CLTCL1: variants seen among roughly 807,000 people sequenced by gnomAD.
The protein encoded by CLTCL1 is clathrin heavy chain 2.
CLTCL1 carries 159 observed loss-of-function variants against 190.0 expected under a neutral mutation model. The ratio of observed to expected loss-of-function variants is 0.84; its 90% CI spans 0.74 to 0.95. The LOEUF (loss-of-function observed/expected upper bound fraction) is 0.95. CLTCL1 is among the 40% of genes least tolerant of loss of function. CLTCL1 has a pLI of 0.00. For missense variants in CLTCL1, 1,878 were observed against 2,033.4 expected, an observed-to-expected ratio of 0.92 and a Z score of 1.47; for synonymous variants, 752 against 769.6, an observed-to-expected ratio of 0.98 and a Z score of 0.38.
Position 19,232,774 on chromosome 22 carries a change from T to C in CLTCL1, c.1522-176A>G. 3 of 864,704 alleles carry C rather than the reference T, an allele frequency of 3.5e-6. No homozygotes were observed. The South Asian group carries it at 5.6e-5, about 16-fold the overall frequency. The allele number at this position is 864,704 out of a possible 1,614,324, so 53.6% of individuals were successfully genotyped here. On this transcript the variant is annotated intron_variant, in intron 9 of 32. Coordinates refer to ENST00000427926, the MANE Select transcript of CLTCL1 (RefSeq NM_007098.4). ...TATCCAATTAAATGAATTGATTTAA[T>C]GTACATGGAAGGCACAATTAACTAT...
At chr22:19,276,436 C>T (rs924571580) in intron 1 of CLTCL1, among the ~76,000 whole-genome samples, 2 of 152,194 alleles carry the variant, frequency 1.3e-5, no homozygotes, top group Non-Finnish European at 1.5e-5. Context: ...CTTCCAGGGC[C>T]GATGGACTGC....
At chr22:19,224,075 A>G (rs2085662591) in intron 13 of CLTCL1, 21 bp from the exon 14 acceptor site, 1 of 1,613,022 alleles carries the variant, frequency 6.2e-7, no homozygotes, top group African/African-American at 1.3e-5. Context: ...AGACCATTCC[A>G]TTTTTGTCCT....
chr22:19,197,626 C>T (rs1376828600), intron 24 of CLTCL1, among the ~76,000 whole-genome samples: 3 of 152,198 alleles, frequency 2.0e-5, no homozygotes, highest in African/African-American at 7.2e-5. Context: ...TCACAACAAC[C>T]ATTCCCATTC....
intron 22 of CLTCL1, among the ~76,000 whole-genome samples, chr22:19,204,281 C>T (rs1417109715): frequency 6.6e-6 from 1 of 152,200 alleles, no homozygotes; most frequent in East Asian, 1.9e-4. Context: ...CCCCAAGCCT[C>T]TCTCGCTGGA....
At chr22:19,268,288 G>A (rs547888207) in intron 2 of CLTCL1, among the ~76,000 whole-genome samples, 1 of 152,164 alleles carries the variant, frequency 6.6e-6, no homozygotes, top group Admixed American at 6.6e-5. Context: ...CTTAATCTTG[G>A]ACTTCCCAGC....
intron 26 of CLTCL1, among the ~76,000 whole-genome samples, chr22:19,191,854 A>T (rs1369822430): frequency 6.6e-6 from 1 of 152,166 alleles, no homozygotes; most frequent in Non-Finnish European, 1.5e-5. Context: ...AGTGGACAGC[A>T]TGTCCTGTGA....
At chr22:19,282,243 T>G (rs2087741835) in intron 1 of CLTCL1, among the ~76,000 whole-genome samples, 1 of 149,212 alleles carries the variant, frequency 6.7e-6, no homozygotes, top group Non-Finnish European at 1.5e-5. Flanking sequence ...GCAGGAGAAT[T>G]GCTTCAACCC....
In CLTCL1 at chr22:19,221,450, T is replaced by C. The variant is rs782423916; in HGVS notation, c.2723A>G (p.Tyr908Cys). The C allele has an allele frequency of 4.4e-6, 7 of 1,577,562 alleles. No individual in the cohort carries two copies. The highest frequency in any genetic ancestry group is 5.2e-6 in the Non-Finnish European group (6 of 1,161,238). The change falls in exon 17 of 33, where the codon TAC (tyrosine) becomes TGC (cysteine). Residue 908 changes from tyrosine to cysteine, a missense_variant. Tyr to Cys is a radical substitution (Grantham distance 194). Coordinates refer to ENST00000427926, the MANE Select transcript of CLTCL1 (RefSeq NM_007098.4). ...CAGATGGGGGTCTCGCTTCTCACAG[T>C]AGCGGCCCACCACGCTGCTGTCATA... The part of the protein sequence containing the change: ...AYYDSSVVGR[Y>C]CEKRDPHLAC...
At chr22:19,268,896 C>T (rs1351899992) in intron 2 of CLTCL1, among the ~76,000 whole-genome samples, 1 of 151,832 alleles carries the variant, frequency 6.6e-6, no homozygotes, top group East Asian at 1.9e-4. Flanking sequence ...TCAAGACCAT[C>T]CTGGCCAACA....
chr22:19,280,600 C>A (rs1428954891), intron 1 of CLTCL1, among the ~76,000 whole-genome samples: 1 of 151,812 alleles, frequency 6.6e-6, no homozygotes, highest in African/African-American at 2.4e-5. Context: ...GGGTGGGTCG[C>A]TTGAGGTCAG....
chr22:19,226,765 T>A (rs1323661948), intron 11 of CLTCL1, among the ~76,000 whole-genome samples: 1 of 151,596 alleles, frequency 6.6e-6, no homozygotes, highest in East Asian at 1.9e-4. Context: ...TGAGACAGAG[T>A]CTCACTCCAT....
intron 1 of CLTCL1, among the ~76,000 whole-genome samples, chr22:19,278,974 T>TGTG (rs2087610886): frequency 6.6e-6 from 1 of 152,144 alleles, no homozygotes. Flanking sequence ...ACTCCTGACT[T>TGTG]GTGGTGATCC....
At chr22:19,256,267 C>T (rs1315722125) in intron 2 of CLTCL1, among the ~76,000 whole-genome samples, 1 of 152,052 alleles carries the variant, frequency 6.6e-6, no homozygotes, top group Admixed American at 6.6e-5. Flanking sequence ...AAGTGATCCT[C>T]CTGCCTCAGC....
chr22:19,290,918 A>C (rs560358775), intron 1 of CLTCL1, among the ~76,000 whole-genome samples: 1 of 152,092 alleles, frequency 6.6e-6, no homozygotes, highest in Non-Finnish European at 1.5e-5. Flanking sequence ...CCTCTGCCGC[A>C]CCTCCCAGGG....
chr22:19,189,970 A>T (rs1330348105), intron 27 of CLTCL1, among the ~76,000 whole-genome samples: 3 of 151,898 alleles, frequency 2.0e-5, no homozygotes, highest in Non-Finnish European at 4.4e-5. Flanking sequence ...TTTTTTTGAG[A>T]TGGAGTCTCT....
intron 22 of CLTCL1, chr22:19,207,418 C>T (rs935613386): frequency 7.6e-6 from 3 of 396,408 alleles, no homozygotes; most frequent in Non-Finnish European, 1.3e-5. Flanking sequence ...TAAGTCTTCA[C>T]ATCTCTTCTA....
intron 28 of CLTCL1, 60 bp downstream of exon 28, chr22:19,187,921 T>C: frequency 2.6e-6 from 4 of 1,518,594 alleles, no homozygotes; most frequent in Non-Finnish European, 3.7e-6. Flanking sequence ...GAGAACAGAA[T>C]GGCAGTTGCA....
intron 1 of CLTCL1, among the ~76,000 whole-genome samples, chr22:19,286,176 A>G (rs2087899456): frequency 6.6e-6 from 1 of 152,172 alleles, no homozygotes; most frequent in South Asian, 2.1e-4. Context: ...GAACATTTAA[A>G]TGTTCTATGG....
At chr22:19,212,655 G>GAAAGAAAGA (rs1337151669) in intron 19 of CLTCL1, among the ~76,000 whole-genome samples, 22 of 148,530 alleles carry the variant, frequency 1.5e-4, no homozygotes, top group Non-Finnish European at 1.5e-5. Flanking sequence ...AAAAAAGAAA[G>GAAAGAAAGA]AAAGAAAGAA....
Sources: gnomAD v4.1 joint callset for allele counts (sites outside exome capture counted in the v4.1 genomes callset) on GRCh38, gnomAD v4.1.1 for gene constraint, MANE v1.5 for transcripts, NCBI Gene and HGNC (gene_info 2026-07-23, HGNC 2026-07-21) for gene names.